The following TENM2 variants were observed in gnomAD, a reference collection of about 807,000 sequenced individuals.
The protein encoded by TENM2 is teneurin-2.
Under a neutral mutation model 245.2 loss-of-function variants are expected in TENM2, and 52 were observed. The observed-to-expected ratio is 0.21, with a 90% CI of 0.17 to 0.27. TENM2 has a LOEUF of 0.27. Among genes scored for constraint, TENM2 ranks in the 10% least tolerant of loss-of-function variants. The pLI is 1.00. For synonymous variants in TENM2, 1,363 were observed against 1,438.9 expected (o/e 0.95, Z 1.19); for missense variants, 3,046 against 3,666.8 (o/e 0.83, Z 4.37).
intron 2 of TENM2, among the ~76,000 whole-genome samples, chr5:167,788,693 T>C (rs959967608): frequency 6.6e-6 from 1 of 152,208 alleles, no homozygotes; most frequent in African/African-American, 2.4e-5. Context: ...AGATTTCCAG[T>C]GACATAGTGT....
At chr5:167,651,968 C>A (rs150673942) in intron 2 of TENM2, among the ~76,000 whole-genome samples, 1 of 152,300 alleles carries the variant, frequency 6.6e-6, no homozygotes, top group African/African-American at 2.4e-5. Flanking sequence ...GCATTGCCAC[C>A]TCTCTCCCAC....
At chr5:167,862,831 A>G (rs937130756) in intron 2 of TENM2, among the ~76,000 whole-genome samples, 5 of 152,188 alleles carry the variant, frequency 3.3e-5, no homozygotes, top group African/African-American at 1.2e-4. Flanking sequence ...TCTCGACCCA[A>G]TTGTTGATCT....
chr5:167,179,614 C>T, the TENM2 span, among the ~76,000 whole-genome samples: 2 of 152,106 alleles, frequency 1.3e-5, no homozygotes, highest in Non-Finnish European at 2.9e-5. Flanking sequence ...TGAATTTCTG[C>T]TTATATACTT....
chr5:167,716,014 T>C (rs898099056), intron 2 of TENM2, among the ~76,000 whole-genome samples: 6 of 152,200 alleles, frequency 3.9e-5, no homozygotes, highest in Admixed American at 3.9e-4. Context: ...TGGTGGAGTT[T>C]GGAGTGAAGG....
At chr5:167,139,230 A>G in the TENM2 span, among the ~76,000 whole-genome samples, 3 of 152,198 alleles carry the variant, frequency 2.0e-5, no homozygotes, top group Non-Finnish European at 4.4e-5. Flanking sequence ...TTTTCCTTTT[A>G]TCACTTCTGC....
At chr5:167,789,405 C>T (rs1764797439) in intron 2 of TENM2, among the ~76,000 whole-genome samples, 1 of 152,164 alleles carries the variant, frequency 6.6e-6, no homozygotes, top group African/African-American at 2.4e-5. Flanking sequence ...GTTAAACTCA[C>T]TTCATTCCTC....
At chr5:167,044,176 A>G in the TENM2 span, among the ~76,000 whole-genome samples, 1 of 152,166 alleles carries the variant, frequency 6.6e-6, no homozygotes, top group Admixed American at 6.5e-5. Context: ...CAGCCCAGTC[A>G]AAAGTGGCAA....
chr5:167,974,027 GGAAGGAAGGAGA>G (rs1782039541), intron 4 of TENM2, among the ~76,000 whole-genome samples: 1 of 74,854 alleles, frequency 1.3e-5, no homozygotes, highest in African/African-American at 8.8e-5. Context: ...GAGGGAGGAA[GGAAGGAAGGAGA>G]AGGAAGGAAG....
chr5:167,994,499 C>A (rs1303540850), intron 5 of TENM2, among the ~76,000 whole-genome samples: 3 of 152,208 alleles, frequency 2.0e-5, no homozygotes, highest in African/African-American at 4.8e-5. Flanking sequence ...GACTGTGCAC[C>A]CCCACAGATC....
At chr5:168,259,045 G>A (rs1767944845) in intron 27 of TENM2, among the ~76,000 whole-genome samples, 3 of 151,564 alleles carry the variant, frequency 2.0e-5, no homozygotes, top group Admixed American at 6.6e-5. Flanking sequence ...AATGAGCCAG[G>A]CGTGGTGGCG....
chr5:167,989,268 A>G (rs980018059), intron 4 of TENM2, among the ~76,000 whole-genome samples: 15 of 144,942 alleles, frequency 1.0e-4, no homozygotes, highest in African/African-American at 2.8e-4. Flanking sequence ...AAGATAGAGA[A>G]AGAGAGAGAG....
chr5:167,013,217 C>T, the TENM2 span, among the ~76,000 whole-genome samples: 1 of 152,176 alleles, frequency 6.6e-6, no homozygotes, highest in African/African-American at 2.4e-5. Flanking sequence ...ATTATTCCAC[C>T]CTCTTATCCA....
Position 168,225,654 on chromosome 5 carries a change from G to A in TENM2, c.5109-434G>A, listed in dbSNP as rs376971691. 1.3e-4 allele frequency among the ~76,000 whole-genome samples: 20 copies of A among 151,974 alleles called. No individual in the cohort carries two copies. The East Asian group carries it at 1.6e-3, about 12-fold the overall frequency. ...TGCATGCCTGTAATCCCAGCTGCTC[G>A]GGAGGCTGAGGCAGGAGAATTGCTT... On this transcript the variant is annotated intron_variant, in intron 23 of 28. Coordinates refer to ENST00000518659, the Ensembl canonical transcript of TENM2.
chr5:168,112,615 G>GGGGC (rs201538328), intron 9 of TENM2, among the ~76,000 whole-genome samples: 3 of 112,936 alleles, frequency 2.7e-5, no homozygotes, highest in South Asian at 3.4e-4. Context: ...GCGGGGGGGG[G>GGGGC]GTCAAACTTT....
At chr5:167,129,330 C>T in the TENM2 span, among the ~76,000 whole-genome samples, 3 of 152,256 alleles carry the variant, frequency 2.0e-5, no homozygotes, top group South Asian at 6.2e-4. Context: ...CAAAACGACT[C>T]CCAGAATCCT....
chr5:167,098,225 T>C, the TENM2 span, among the ~76,000 whole-genome samples: 33 of 152,368 alleles, frequency 2.2e-4, no homozygotes, highest in African/African-American at 7.7e-4. Flanking sequence ...TTTGATCTGA[T>C]GGACTGAACC....
At chr5:168,236,994 A>T (rs1221516415) in intron 25 of TENM2, among the ~76,000 whole-genome samples, 55 of 2,718 alleles carry the variant, frequency 0.02, 4 homozygotes, top group Middle Eastern at 0.17. Context: ...ATATATATAT[A>T]TATATATTTT....
the TENM2 span, among the ~76,000 whole-genome samples, chr5:167,230,201 C>A: frequency 6.6e-6 from 1 of 152,084 alleles, no homozygotes; most frequent in Admixed American, 6.5e-5. Flanking sequence ...CCAGGGAATT[C>A]CCTATGTTAG....
chr5:167,369,342 A>G (rs764368334), intron 1 of TENM2, among the ~76,000 whole-genome samples: 6 of 152,170 alleles, frequency 3.9e-5, no homozygotes, highest in Non-Finnish European at 7.4e-5. Context: ...ATGTCTGTCA[A>G]ATCAGATTTT....
Sources: gnomAD v4.1 joint callset for allele counts (sites outside exome capture counted in the v4.1 genomes callset) on GRCh38, gnomAD v4.1.1 for gene constraint, MANE v1.5 for transcripts, NCBI Gene and HGNC (gene_info 2026-07-23, HGNC 2026-07-21) for gene names.